The following CCSER2 variants were observed in gnomAD, a reference collection of about 807,000 sequenced individuals.
CCSER2 encodes coiled-coil serine rich protein 2, also known as serine-rich coiled-coil domain-containing protein 2.
Under a neutral mutation model 92.3 loss-of-function variants are expected in CCSER2, and 46 were observed. That is an observed-to-expected ratio of 0.50 (90% confidence interval 0.39 to 0.64). The LOEUF (loss-of-function observed/expected upper bound fraction) is 0.64, where lower values mean the gene tolerates loss of function less well. Among genes scored for constraint, CCSER2 ranks in the 30% least tolerant of loss-of-function variants. CCSER2 has a pLI of 0.00. For synonymous variants in CCSER2, 433 were observed against 431.4 expected (o/e 1.00, Z -0.04); for missense variants, 1,244 against 1,238.9 (o/e 1.00, Z -0.06).
Position 84,496,739 on chromosome 10 carries a change from T to G in CCSER2, c.2326-16710T>G, listed in dbSNP as rs191546311. ...GTGCAGGCTTTCTTAAATTTTTTTT[T>G]TGTGTGTGTTCCTTGTCATTTCCAG... is the stretch of plus-strand genomic sequence containing the variant. On this transcript the variant is annotated intron_variant, in intron 9 of 9. Coordinates refer to ENST00000372088, the MANE Select transcript of CCSER2 (RefSeq NM_001284240.2). Among the ~76,000 whole-genome samples, 262 of 152,258 alleles carry G rather than the reference T, an allele frequency of 1.7e-3. 1 individual carries two copies. The highest frequency in any genetic ancestry group is 3.3e-3 in the African/African-American group (137 of 41,542).
intron 3 of CCSER2, among the ~76,000 whole-genome samples, chr10:84,410,642 T>G (rs542575736): frequency 6.6e-6 from 1 of 152,346 alleles, no homozygotes; most frequent in South Asian, 2.1e-4. Context: ...TTGCTTAAGT[T>G]TCTTGTAGAG....
intron 3 of CCSER2, among the ~76,000 whole-genome samples, chr10:84,415,225 C>T (rs539554662): frequency 1.3e-5 from 2 of 152,314 alleles, no homozygotes; most frequent in African/African-American, 4.8e-5. Flanking sequence ...AGATGAGGCA[C>T]TCTGGCCTTT....
chr10:84,357,758 G>A (rs1183798312), intron 1 of CCSER2, among the ~76,000 whole-genome samples: 1 of 152,014 alleles, frequency 6.6e-6, no homozygotes, highest in Non-Finnish European at 1.5e-5. Context: ...CCATATTTTT[G>A]TGTTTTTAAA....
rs185472258 is a variant in CCSER2 at position 84,432,287 on chromosome 10, G to A, written c.1869-6225G>A. 5.1e-4 allele frequency among the ~76,000 whole-genome samples: 78 copies of A among 151,914 alleles called. No individual in the cohort carries two copies. The East Asian group carries it at 5.8e-3, about 11-fold the overall frequency. On this transcript the variant is annotated intron_variant, in intron 5 of 9. Transcript: ENST00000372088. ...TACTTTAGATTCAGTGGGTACATAC[G>A]CAGGTTTGTATCACATATACATGGA...
chr10:84,451,438 G>A (rs892394573), intron 6 of CCSER2, among the ~76,000 whole-genome samples: 25 of 151,956 alleles, frequency 1.6e-4, no homozygotes, highest in African/African-American at 4.6e-4. Flanking sequence ...GTGCCGTTGC[G>A]TCCACCTGCA....
chr10:84,447,670 T>G (rs923925281), intron 6 of CCSER2, among the ~76,000 whole-genome samples: 1 of 152,232 alleles, frequency 6.6e-6, no homozygotes, highest in Non-Finnish European at 1.5e-5. Context: ...AATTTTGACC[T>G]TCACAATTAA....
intron 6 of CCSER2, among the ~76,000 whole-genome samples, chr10:84,457,447 ATAT>A (rs1353089918): frequency 1.0e-5 from 1 of 99,116 alleles, no homozygotes; most frequent in Admixed American, 1.4e-4. Flanking sequence ...ATATAAATAC[ATAT>A]TATAAAATAT....
intron 3 of CCSER2, among the ~76,000 whole-genome samples, chr10:84,411,092 C>CT (rs1159664658): frequency 6.6e-6 from 1 of 152,104 alleles, no homozygotes; most frequent in East Asian, 1.9e-4. Flanking sequence ...AGTCTTATTT[C>CT]TGAGTTCTCT....
At chr10:84,433,479 A>G (rs944248008) in intron 5 of CCSER2, among the ~76,000 whole-genome samples, 1 of 152,144 alleles carries the variant, frequency 6.6e-6, no homozygotes, top group Non-Finnish European at 1.5e-5. Context: ...ACAGATATAC[A>G]AACATCTGCA....
At position 84,514,298 on chromosome 10, in the gene CCSER2, T is replaced by G; in HGVS notation, c.*31T>G. On this transcript the variant is annotated 3_prime_UTR_variant, in exon 10 of 10. Transcript: ENST00000372088. ...TAGCCATCACCTGCCAATTTGTTTCTTAAAAACAATCTCTTCTGTAATAGC... is the reference window on the plus strand; with the variant it reads ...TAGCCATCACCTGCCAATTTGTTTCGTAAAAACAATCTCTTCTGTAATAGC... 1 of 1,431,790 alleles carries G rather than the reference T, an allele frequency of 7.0e-7. No homozygotes were observed. Among genetic ancestry groups the G allele is most frequent in the South Asian group, 1.3e-5 (1 of 78,250 alleles). The allele number at this position is 1,431,790 out of a possible 1,614,324, so 88.7% of individuals were successfully genotyped here.
intron 6 of CCSER2, among the ~76,000 whole-genome samples, chr10:84,453,122 G>T (rs1218324227): frequency 1.3e-5 from 2 of 151,762 alleles, no homozygotes; most frequent in Non-Finnish European, 2.9e-5. Flanking sequence ...ACTCCTAGTT[G>T]TCTTGGGCTG....
intron 6 of CCSER2, among the ~76,000 whole-genome samples, chr10:84,457,725 A>C (rs1845857112): frequency 9.5e-6 from 1 of 104,850 alleles, no homozygotes; most frequent in African/African-American, 4.0e-5. Flanking sequence ...ATAAATATAT[A>C]AAATTTTGTT....
chr10:84,378,579 C>T (rs1846467059), intron 3 of CCSER2, among the ~76,000 whole-genome samples: 1 of 151,820 alleles, frequency 6.6e-6, no homozygotes, highest in African/African-American at 2.4e-5. Flanking sequence ...GGATTACAGG[C>T]GCCTGCCATC....
At chr10:84,374,665 C>G (rs1369652899) in intron 3 of CCSER2, among the ~76,000 whole-genome samples, 3 of 152,168 alleles carry the variant, frequency 2.0e-5, no homozygotes, top group Non-Finnish European at 4.4e-5. Flanking sequence ...GTTAGAAGAC[C>G]TGCCATGAAT....
At chr10:84,457,196 GTCT>G (rs1203830066) in intron 6 of CCSER2, among the ~76,000 whole-genome samples, 1 of 114,976 alleles carries the variant, frequency 8.7e-6, no homozygotes, top group Non-Finnish European at 1.7e-5. Flanking sequence ...TCCAGTCCAT[GTCT>G]TCTTTTATAT....
intron 8 of CCSER2, chr10:84,473,051 GAAT>G (rs1468985820): frequency 5.9e-5 from 9 of 152,082 alleles, no homozygotes; most frequent in Non-Finnish European, 1.3e-4. Flanking sequence ...CAGTTGTCCT[GAAT>G]AATATCTCAT....
intron 1 of CCSER2, among the ~76,000 whole-genome samples, chr10:84,342,396 A>G (rs1275112794): frequency 1.3e-5 from 2 of 152,150 alleles, no homozygotes; most frequent in African/African-American, 2.4e-5. Flanking sequence ...TACTGTTTAG[A>G]TAATTGTAAG....
intron 9 of CCSER2, among the ~76,000 whole-genome samples, chr10:84,510,788 A>G (rs928956742): frequency 2.0e-5 from 3 of 152,200 alleles, no homozygotes; most frequent in Admixed American, 1.3e-4. Context: ...ACTTGCTAGC[A>G]GGGGTAATTA....
At chr10:84,413,301 C>T (rs1360950933) in intron 3 of CCSER2, among the ~76,000 whole-genome samples, 6 of 152,126 alleles carry the variant, frequency 3.9e-5, no homozygotes, top group Admixed American at 3.9e-4. Flanking sequence ...TATAAATTTC[C>T]CTCTTAACAG....
Sources: gnomAD v4.1 joint callset for allele counts (sites outside exome capture counted in the v4.1 genomes callset) on GRCh38, gnomAD v4.1.1 for gene constraint, MANE v1.5 for transcripts, NCBI Gene and HGNC (gene_info 2026-07-23, HGNC 2026-07-21) for gene names.